Variants in BABAM2 observed in about 807,000 individuals in gnomAD.
BABAM2 encodes BRISC and BRCA1-A complex member 2.
A neutral mutation model predicts 54.7 loss-of-function variants in BABAM2; 31 were observed. The ratio of observed to expected loss-of-function variants is 0.57; its 90% CI spans 0.43 to 0.77. BABAM2 has a LOEUF of 0.77. Ranked by LOEUF, BABAM2 falls within the 30% of genes least tolerant of loss-of-function variation. BABAM2 has a pLI of 0.00. For synonymous variants in BABAM2, 167 were observed against 162.9 expected (o/e 1.03, Z -0.19); for missense variants, 364 against 455.8 (o/e 0.80, Z 1.83).
intron 7 of BABAM2, among the ~76,000 whole-genome samples, chr2:28,189,450 A>G (rs970597358): frequency 2.6e-5 from 4 of 152,184 alleles, no homozygotes; most frequent in African/African-American, 7.2e-5. Context: ...AAACATCAGC[A>G]TGGACTAGAA....
intron 11 of BABAM2, among the ~76,000 whole-genome samples, chr2:28,331,142 G>C (rs4666057): frequency 1 from 151,890 of 152,350 alleles, 75,717 homozygotes; most frequent in Middle Eastern, 1. Context: ...AAACTGGACC[G>C]TCTCCTTACA....
At chr2:28,285,945 C>T (rs569119683) in intron 10 of BABAM2, among the ~76,000 whole-genome samples, 35 of 150,230 alleles carry the variant, frequency 2.3e-4, no homozygotes, top group African/African-American at 8.6e-4. Context: ...CTTCTACTAA[C>T]GAATAATAAC....
At chr2:28,337,623 C>A (rs1344981049) in intron 11 of BABAM2, among the ~76,000 whole-genome samples, 1 of 152,236 alleles carries the variant, frequency 6.6e-6, no homozygotes, top group Admixed American at 6.5e-5. Context: ...TAACACCCAG[C>A]CTAGCTTTCT....
chr2:28,013,325 C>T (rs960854281), intron 4 of BABAM2: 22 of 455,370 alleles, frequency 4.8e-5, no homozygotes, highest in Admixed American at 9.4e-5. Flanking sequence ...GATATTTGAA[C>T]ATGCCCTAGA....
intron 2 of BABAM2, among the ~76,000 whole-genome samples, chr2:27,915,545 AAACT>A (rs1666903637): frequency 6.6e-6 from 1 of 152,178 alleles, no homozygotes; most frequent in Non-Finnish European, 1.5e-5. Context: ...AAATCCTTTC[AAACT>A]ACCTAACAAC....
rs186237768 is a variant in BABAM2 at position 28,230,454 on chromosome 2, G to A, written c.681-6748G>A. On this transcript the variant is annotated intron_variant, in intron 7 of 11. Transcript: ENST00000379624. The stretch of plus-strand genomic sequence containing the variant: ...AACAAGTCCGGGCGTGATGGCTCAC[G>A]CCTGTAAACCCAGCACTTTGGGAGG... 9.2e-5 allele frequency among the ~76,000 whole-genome samples: 14 copies of A among 151,434 alleles called. No homozygotes were observed. The East Asian group carries it at 1.2e-3, about 13-fold the overall frequency.
At chr2:27,982,601 A>T (rs1291497764) in intron 3 of BABAM2, among the ~76,000 whole-genome samples, 1 of 149,224 alleles carries the variant, frequency 6.7e-6, no homozygotes, top group Admixed American at 6.7e-5. Flanking sequence ...AAAGATGCTT[A>T]AAAAACCCAT....
At chr2:27,992,539 C>G (rs1017204293) in intron 4 of BABAM2, among the ~76,000 whole-genome samples, 4 of 152,026 alleles carry the variant, frequency 2.6e-5, no homozygotes, top group African/African-American at 9.7e-5. Flanking sequence ...AAAAGCAATG[C>G]TATGGGGTAG....
chr2:27,963,968 A>G (rs1670664267), intron 3 of BABAM2, among the ~76,000 whole-genome samples: 1 of 152,204 alleles, frequency 6.6e-6, no homozygotes, highest in Non-Finnish European at 1.5e-5. Context: ...TAATAAGAGT[A>G]AAGTCCATTG....
chr2:28,265,139 A>G (rs1684865904), intron 10 of BABAM2, among the ~76,000 whole-genome samples: 1 of 152,084 alleles, frequency 6.6e-6, no homozygotes. Flanking sequence ...CAGTCTCCCT[A>G]TATAAGACAC....
intron 11 of BABAM2, among the ~76,000 whole-genome samples, chr2:28,312,709 G>GTCACACT (rs1465738080): frequency 2.4e-4 from 36 of 152,206 alleles, no homozygotes; most frequent in African/African-American, 8.7e-4. Flanking sequence ...GGGAAGTTAA[G>GTCACACT]TGTGACAGTG....
In BABAM2 at chr2:28,138,730, A is replaced by C. The variant is rs187268843; in HGVS notation, c.680+9350A>C. Reference sequence around the variant, plus strand: ...TACCCTCCTTCTAATGACCCTAGCCATGAAACCCAGGCATCCTATTTTTGA... The same window carrying C: ...TACCCTCCTTCTAATGACCCTAGCCCTGAAACCCAGGCATCCTATTTTTGA... On this transcript the variant is annotated intron_variant, in intron 7 of 11. Coordinates refer to ENST00000379624, the MANE Select transcript of BABAM2 (RefSeq NM_199191.3). Among the ~76,000 whole-genome samples, 5 of 152,230 alleles carry C rather than the reference A, an allele frequency of 3.3e-5. No homozygotes were observed. The East Asian group carries it at 9.6e-4, about 29-fold the overall frequency.
At chr2:27,892,698 T>G (rs1664959127) in intron 1 of BABAM2, among the ~76,000 whole-genome samples, 1 of 152,176 alleles carries the variant, frequency 6.6e-6, no homozygotes, top group Middle Eastern at 3.2e-3. Context: ...TCAACTGCAG[T>G]AATATATATG....
At chr2:28,217,087 C>T (rs1168762416) in intron 7 of BABAM2, among the ~76,000 whole-genome samples, 3 of 152,162 alleles carry the variant, frequency 2.0e-5, no homozygotes, top group Admixed American at 1.3e-4. Flanking sequence ...CATCCATTGT[C>T]ATGCTCTTTG....
chr2:28,055,229 A>G (rs879835090), intron 6 of BABAM2, among the ~76,000 whole-genome samples: 4 of 152,186 alleles, frequency 2.6e-5, no homozygotes, highest in African/African-American at 7.2e-5. Context: ...ATGTGGATAC[A>G]AAAAAGGGAG....
At chr2:28,026,793 ATT>A (rs1476523308) in intron 5 of BABAM2, among the ~76,000 whole-genome samples, 2 of 91,974 alleles carry the variant, frequency 2.2e-5, no homozygotes, top group East Asian at 4.5e-4. Context: ...ATAAATATAT[ATT>A]TATATAAAAA....
intron 7 of BABAM2, among the ~76,000 whole-genome samples, chr2:28,156,848 G>T (rs1233280371): frequency 6.6e-6 from 1 of 152,140 alleles, no homozygotes; most frequent in East Asian, 1.9e-4. Context: ...GGACATCTTT[G>T]AGGAGAAGGC....
At chr2:27,941,975 C>T (rs1311442843) in intron 3 of BABAM2, among the ~76,000 whole-genome samples, 1 of 152,170 alleles carries the variant, frequency 6.6e-6, no homozygotes, top group African/African-American at 2.4e-5. Context: ...AATGAATCTA[C>T]CTGAAATTCA....
At chr2:28,178,639 A>G (rs527502811) in intron 7 of BABAM2, among the ~76,000 whole-genome samples, 1 of 151,936 alleles carries the variant, frequency 6.6e-6, no homozygotes, top group Non-Finnish European at 1.5e-5. Context: ...AAGGAAAGAG[A>G]TAATAAAGAT....
Sources: gnomAD v4.1 joint callset for allele counts (sites outside exome capture counted in the v4.1 genomes callset) on GRCh38, gnomAD v4.1.1 for gene constraint, MANE v1.5 for transcripts, NCBI Gene and HGNC (gene_info 2026-07-23, HGNC 2026-07-21) for gene names.